TLCD5: variants seen among roughly 807,000 people sequenced by gnomAD.
TLCD5 encodes TLC domain containing 5.
A neutral mutation model predicts 20.5 loss-of-function variants in TLCD5; 15 were observed. The ratio of observed to expected loss-of-function variants is 0.73; its 90% CI spans 0.49 to 1.13. The LOEUF is 1.13. Among genes scored for constraint, TLCD5 ranks in the 50% most tolerant of loss-of-function variants. The pLI, the probability that TLCD5 is intolerant of heterozygous loss-of-function variation, is 0.00. For synonymous variants in TLCD5, 107 were observed against 114.7 expected (o/e 0.93, Z 0.43); for missense variants, 289 against 305.6 (o/e 0.95, Z 0.41).
chr11:120,330,427 G>T lies in TLCD5; in HGVS notation c.650G>T (p.Arg217Met). 1 of 1,614,210 alleles carries T rather than the reference G, an allele frequency of 6.2e-7. No homozygotes were observed. Among genetic ancestry groups the T allele is most frequent in the Non-Finnish European group, 8.5e-7 (1 of 1,180,036 alleles). The change falls in exon 3 of 3, where the codon AGG becomes ATG. Residue 217 changes from arginine to methionine, a missense_variant. Arg to Met is a moderately conservative substitution (Grantham distance 91). Transcript: ENST00000375095. The part of the protein sequence containing the change: ...FMFSIWRFAW[R>M]KSIKKYHAWR... ...TTTAGCATCTGGCGCTTTGCATGGA[G>T]GAAGAGCATCAAGAAGTACCATGCT... is the stretch of plus-strand genomic sequence containing the variant.
intron 2 of TLCD5, among the ~76,000 whole-genome samples, chr11:120,329,366 A>C (rs1942098197): frequency 6.6e-6 from 1 of 152,154 alleles, no homozygotes; most frequent in Non-Finnish European, 1.5e-5. Context: ...TTTCCCCCCA[A>C]ACTGTCAAAC....
intron 2 of TLCD5, among the ~76,000 whole-genome samples, chr11:120,328,889 C>A (rs1485443030): frequency 7.5e-6 from 1 of 133,588 alleles, no homozygotes; most frequent in Non-Finnish European, 1.6e-5. Flanking sequence ...ATATCTGTGT[C>A]CTAATCCCTT....
In TLCD5 at chr11:120,330,778, GT is replaced by G. The variant is rs1162764519; in HGVS notation, c.*267del. 2.9e-6 allele frequency: 1 copy of G among 342,010 alleles called. No individual in the cohort carries two copies. Among genetic ancestry groups the G allele is most frequent in the Non-Finnish European group, 5.3e-6 (1 of 190,046 alleles). The allele number at this position is 342,010 out of a possible 1,614,324, so 21.2% of individuals were successfully genotyped here. On this transcript the variant is annotated 3_prime_UTR_variant, in exon 3 of 3. Transcript: ENST00000375095. Reference sequence around the variant, plus strand: ...TGTGAAGTGAGTACAACTGGCATTTGTTTTCATTTGTGGTGACCCTGGGTCC... The same window carrying G: ...TGTGAAGTGAGTACAACTGGCATTTGTTTCATTTGTGGTGACCCTGGGTCC...
At position 120,327,652 on chromosome 11, in the gene TLCD5, A is replaced by AT. The variant is rs1316038853; in HGVS notation, c.199+16dup. ...TTTTACCCACCCAGGTAGGTAGGGG[A>AT]TTTTCCCTTAGGGATTTATGATTTG... On this transcript the variant is annotated intron_variant, in intron 2 of 2. Coordinates refer to ENST00000375095, the MANE Select transcript of TLCD5 (RefSeq NM_001198671.2). The AT allele has an allele frequency of 6.2e-7, 1 of 1,608,212 alleles. No homozygotes were observed. Among genetic ancestry groups the AT allele is most frequent in the African/African-American group, 1.3e-5 (1 of 74,498 alleles).
At chr11:120,328,701 GTGTGTGTA>G (rs1942060706) in intron 2 of TLCD5, among the ~76,000 whole-genome samples, 2 of 152,272 alleles carry the variant, frequency 1.3e-5, no homozygotes, top group African/African-American at 4.8e-5. Flanking sequence ...GTGTGTGTGT[GTGTGTGTA>G]TGTTTATGTA....
chr11:120,329,004 A>AGTGTGTGTGTGTGTGTGTGTGT (rs71301641), intron 2 of TLCD5, among the ~76,000 whole-genome samples: 1 of 7,542 alleles, frequency 1.3e-4, no homozygotes, highest in African/African-American at 5.1e-4. Context: ...TAACAGTCAT[A>AGTGTGTGTGTGTGTGTGTGTGT]GTGTGTGTGT....
rs749115731 is a variant in TLCD5, at chr11:120,330,312, C to A, written c.535C>A (p.Leu179Ile). The A allele has an allele frequency of 6.3e-7, 1 of 1,582,598 alleles. No individual in the cohort carries two copies. The highest frequency in any genetic ancestry group is 1.8e-5 in the Admixed American group (1 of 54,684). Residue 179 changes from leucine (L) to isoleucine (I), a missense_variant, in exon 3 of 3, where the codon CTC (leucine) becomes ATC (isoleucine). By Grantham distance (5) the Leu-to-Ile change is conservative. Coordinates refer to ENST00000375095, the MANE Select transcript of TLCD5 (RefSeq NM_001198671.2). The stretch of plus-strand genomic sequence containing the variant: ...AGTGAGGATTGGTGTGGGAGCTTGC[C>A]TCCTTTTCTGTGAAATGGTCTCCCC... ...TGVRIGVGAC[L>I]LFCEMVSPTP...
At chr11:120,327,125 A>T in intron 1 of TLCD5, 1 of 504,814 alleles carries the variant, frequency 2.0e-6, no homozygotes. Context: ...GCCCAAGGTC[A>T]GTCATCGCTA....
rs578202671 is a variant in TLCD5 at position 120,327,757 on chromosome 11, G to A, written c.199+117G>A. The A allele has an allele frequency of 1.1e-5, 12 of 1,057,080 alleles. No homozygotes were observed. In the South Asian group the frequency reaches 2.3e-4, roughly 20 times the overall value. 65.5% of individuals were successfully genotyped at this position (1,057,080 alleles called of 1,614,324 possible). ...CTAATTCCCATTATAATTTTGTATT[G>A]GAATCCTTATTCTTCTTCATTGTTA... On this transcript the variant is annotated intron_variant, in intron 2 of 2. Transcript: ENST00000375095.
Position 120,331,159 on chromosome 11 carries a change from C to T in TLCD5, c.*644C>T, listed in dbSNP as rs1400089774. The T allele has an allele frequency of 2.6e-5, 4 of 152,166 alleles. No homozygotes were observed. Among genetic ancestry groups the T allele is most frequent in the Admixed American group, 2.0e-4 (3 of 15,270 alleles). 9.4% of individuals were successfully genotyped at this position (152,166 alleles called of 1,614,324 possible). On this transcript the variant is annotated 3_prime_UTR_variant, in exon 3 of 3. Coordinates refer to ENST00000375095, the MANE Select transcript of TLCD5 (RefSeq NM_001198671.2). This position sits in a 1 kb window ranked among gnomAD's most constrained non-coding sequence, Gnocchi z 4.5. ...CAGGTTCTGTAATTCTCTGGGAAGA[C>T]TCAGTGGACTCAGCATATAGTCTTA...
Position 120,331,017 on chromosome 11 carries a change from A to T in TLCD5, c.*502A>T, listed in dbSNP as rs920571874. 7.2e-5 allele frequency: 11 copies of T among 152,810 alleles called. No homozygotes were observed. Among genetic ancestry groups the T allele is most frequent in the African/African-American group, 2.7e-4 (11 of 41,388 alleles). The allele number at this position is 152,810 out of a possible 1,614,324, so 9.5% of individuals were successfully genotyped here. ...TGACATTCTGAACATTAGATCGGGGAATTGGGTCGCTTAAACAGAGGGGCA... is the reference window on the plus strand; with the variant it reads ...TGACATTCTGAACATTAGATCGGGGTATTGGGTCGCTTAAACAGAGGGGCA... On this transcript the variant is annotated 3_prime_UTR_variant, in exon 3 of 3. Coordinates refer to ENST00000375095, the MANE Select transcript of TLCD5 (RefSeq NM_001198671.2). This position sits in a 1 kb window ranked among gnomAD's most constrained non-coding sequence, Gnocchi z 4.5.
chr11:120,327,300 C>A, intron 1 of TLCD5, 141 bp from the exon 2 acceptor site: 1 of 1,399,058 alleles, frequency 7.1e-7, no homozygotes, highest in Admixed American at 2.0e-5. Context: ...AGATTCTTGG[C>A]CGTGTAGATA....
In TLCD5 at chr11:120,327,588, C is replaced by T; in HGVS notation, c.147C>T (p.Gly49=). The T allele has an allele frequency of 6.2e-7, 1 of 1,614,196 alleles. No individual in the cohort carries two copies. Among genetic ancestry groups the T allele is most frequent in the Non-Finnish European group, 8.5e-7 (1 of 1,180,042 alleles). ...VTFTHGVLSI[G]LSAYIGFIDG... ...TCACCCATGGAGTCCTCTCTATAGG[C>T]CTCTCCGCTTATATTGGCTTCATTG... The change falls in exon 2 of 3, where the codon GGC becomes GGT. Residue 49 remains glycine (G), a synonymous_variant. Transcript: ENST00000375095.
In TLCD5 at chr11:120,325,369, G is replaced by C. The variant is rs1941965894; in HGVS notation, c.-2+1G>C. 6.6e-6 allele frequency: 1 copy of C among 152,188 alleles called. No homozygotes were observed. Among genetic ancestry groups the C allele is most frequent in the Admixed American group, 6.5e-5 (1 of 15,278 alleles). 9.4% of individuals were successfully genotyped at this position (152,188 alleles called of 1,614,324 possible). On this transcript the variant is annotated splice_donor_variant, in intron 1 of 2. Coordinates refer to ENST00000375095, the MANE Select transcript of TLCD5 (RefSeq NM_001198671.2). LOFTEE classifies it low-confidence loss of function (5UTR_SPLICE). Reference sequence around the variant, plus strand: ...GAGGCTTCCCGGTGCGCTCCGCCAGGTAACCGCTCGGCGCGAACTGCCCGG... The same window carrying C: ...GAGGCTTCCCGGTGCGCTCCGCCAGCTAACCGCTCGGCGCGAACTGCCCGG...
At chr11:120,328,863 GTATGTATATGTATGCATATC>G (rs1942074028) in intron 2 of TLCD5, among the ~76,000 whole-genome samples, 1 of 127,982 alleles carries the variant, frequency 7.8e-6, no homozygotes, top group Non-Finnish European at 1.7e-5. Flanking sequence ...GTGTGTGTGT[GTATGTATATGTATGCATATC>G]TGTGTCCTAA....
chr11:120,326,310 A>G (rs1339390884), intron 1 of TLCD5, among the ~76,000 whole-genome samples: 1 of 151,878 alleles, frequency 6.6e-6, no homozygotes, highest in Non-Finnish European at 1.5e-5. Context: ...ACCCAGGTCT[A>G]TTATGGACAC....
rs372154837 is a variant in TLCD5 at position 120,330,363 on chromosome 11, G to T, written c.586G>T (p.Gly196Trp). 7 of 1,613,318 alleles carry T rather than the reference G, an allele frequency of 4.3e-6. No individual in the cohort carries two copies. The highest frequency in any genetic ancestry group is 1.6e-4 in the Middle Eastern group (1 of 6,084). ...CACGCCTAAGTGGTTTGTGAAGGCT[G>T]GGGGAGTAGCGATGTATGCTGTGTC... ...SPTPKWFVKA[G>W]GVAMYAVSWC... is the part of the protein sequence containing the mutation. The change falls in exon 3 of 3, where the codon GGG becomes TGG. Residue 196 changes from glycine (G) to tryptophan (W), a missense_variant. Physicochemically the swap from Gly to Trp is radical, Grantham distance 184 (BLOSUM62 -2). Coordinates refer to ENST00000375095, the MANE Select transcript of TLCD5 (RefSeq NM_001198671.2).
At position 120,330,865 on chromosome 11, in the gene TLCD5, G is replaced by A. The variant is rs1006348436; in HGVS notation, c.*350G>A. The A allele has an allele frequency of 5.4e-6, 1 of 184,740 alleles. No homozygotes were observed. The highest frequency in any genetic ancestry group is 2.3e-5 in the African/African-American group (1 of 42,684). The allele number at this position is 184,740 out of a possible 1,614,324, so 11.4% of individuals were successfully genotyped here. On this transcript the variant is annotated 3_prime_UTR_variant, in exon 3 of 3. Transcript: ENST00000375095. ...AGAAAGGAACTCGAAAAAGATTAGT[G>A]CTATTTCTTGTTCCTTTGAGAAGTA...
Position 120,330,584 on chromosome 11 carries a change from T to C in TLCD5, c.*69T>C. 1 of 1,490,172 alleles carries C rather than the reference T, an allele frequency of 6.7e-7. No homozygotes were observed. Among genetic ancestry groups the C allele is most frequent in the African/African-American group, 1.4e-5 (1 of 71,750 alleles). 92.3% of individuals were successfully genotyped at this position (1,490,172 alleles called of 1,614,324 possible). A position where few individuals can be genotyped will look rare whatever the true frequency, so the allele number is the denominator to read the frequency against. On this transcript the variant is annotated 3_prime_UTR_variant, in exon 3 of 3. Transcript: ENST00000375095. ...GGAACCAGGTTGGAAATATGACTGT[T>C]ACATAATTACACTTATAACAAACTT... is the stretch of plus-strand genomic sequence containing the variant.
Sources: allele counts gnomAD v4.1 joint callset (sites outside exome capture counted in the v4.1 genomes callset), GRCh38; gene constraint gnomAD v4.1.1; non-coding constraint Gnocchi (gnomAD v3.1); transcripts MANE v1.5; gene names NCBI Gene and HGNC (gene_info 2026-07-23, HGNC 2026-07-21).